Variants in L3MBTL3 observed in about 807,000 individuals in gnomAD.
The protein encoded by L3MBTL3 is L3MBTL histone methyl-lysine binding protein 3, also known as lethal(3)malignant brain tumor-like protein 3.
A neutral mutation model predicts 102.3 loss-of-function variants in L3MBTL3; 27 were observed. The observed-to-expected ratio is 0.26, with a 90% CI of 0.19 to 0.36. The LOEUF is 0.36. L3MBTL3 is among the 10% of genes least tolerant of loss of function. The pLI, the probability that L3MBTL3 is intolerant of heterozygous loss-of-function variation, is 1.00. For synonymous variants in L3MBTL3, 340 were observed against 320.9 expected (o/e 1.06, Z -0.64); for missense variants, 798 against 955.3 (o/e 0.84, Z 2.17).
chr6:130,105,387 T>C (rs866928195), intron 19 of L3MBTL3, among the ~76,000 whole-genome samples: 1 of 152,278 alleles, frequency 6.6e-6, no homozygotes, highest in African/African-American at 2.4e-5. Flanking sequence ...GTTTACCCTT[T>C]GGATGGAGTA....
chr6:130,049,286 G>T lies in L3MBTL3; in HGVS notation c.107G>T (p.Arg36Leu). ...GTLPGSDLKF[R>L]VNEFGALEVI... ...TTTCTGCTGTGTTGTTGCTAGTTTC[G>T]GGTAAATGAGTTTGGAGCCCTGGAA... Residue 36 changes from arginine (R) to leucine (L), a missense_variant, in exon 4 of 23, where the codon CGG becomes CTG. Around this residue, in one of 4 missense-constraint regions of L3MBTL3, gnomAD observed 434 missense variants for 506.6 expected, o/e 0.86. Transcript: ENST00000361794. 6.2e-7 allele frequency: 1 copy of T among 1,606,316 alleles called. No homozygotes were observed. The highest frequency in any genetic ancestry group is 1.1e-5 in the South Asian group (1 of 90,122).
intron 22 of L3MBTL3, 100 bp from the exon 23 acceptor site, chr6:130,139,510 C>A: frequency 9.3e-7 from 1 of 1,069,582 alleles, no homozygotes; most frequent in Non-Finnish European, 1.4e-6. Context: ...GCTTTTTTAG[C>A]ATTGCTATGT....
chr6:130,047,303 G>T (rs1415029551), intron 3 of L3MBTL3, among the ~76,000 whole-genome samples: 5 of 152,136 alleles, frequency 3.3e-5, no homozygotes, highest in African/African-American at 1.2e-4. Context: ...TAGACTGTAG[G>T]TCAGTTACTG....
At chr6:130,136,024 A>G (rs1787617159) in intron 22 of L3MBTL3, among the ~76,000 whole-genome samples, 1 of 152,214 alleles carries the variant, frequency 6.6e-6, no homozygotes, top group Admixed American at 6.5e-5. Flanking sequence ...TACACATGCC[A>G]CATCTCATCT....
chr6:130,020,497 C>G (rs999188477), intron 1 of L3MBTL3: 2 of 152,128 alleles, frequency 1.3e-5, no homozygotes, highest in Non-Finnish European at 1.5e-5. Flanking sequence ...AAAGCACAGC[C>G]CGCAGCGCGA....
intron 20 of L3MBTL3, among the ~76,000 whole-genome samples, chr6:130,124,782 C>T (rs1432347442): frequency 1.3e-5 from 2 of 152,030 alleles, no homozygotes; most frequent in Admixed American, 1.3e-4. Context: ...ACCAGCCTGA[C>T]CAACATGGAG....
chr6:130,069,749 G>A (rs965845087), intron 12 of L3MBTL3, among the ~76,000 whole-genome samples: 8 of 152,108 alleles, frequency 5.3e-5, no homozygotes, highest in South Asian at 2.1e-4. Flanking sequence ...TGCCTTGAAC[G>A]GTCTTCCTAA....
At chr6:130,091,886 G>A (rs1004655839) in intron 16 of L3MBTL3, among the ~76,000 whole-genome samples, 1 of 151,726 alleles carries the variant, frequency 6.6e-6, no homozygotes, top group African/African-American at 2.4e-5. Context: ...CATAAAGTGG[G>A]GGTGATTAAC....
In L3MBTL3 at chr6:130,075,696, G is replaced by A. The variant is rs76661166; in HGVS notation, c.1245-2862G>A. Among the ~76,000 whole-genome samples, 869 of 152,244 alleles carry A rather than the reference G, an allele frequency of 5.7e-3. 10 individuals carry two copies. Among genetic ancestry groups the A allele is most frequent in the African/African-American group, 0.02 (839 of 41,546 alleles). On this transcript the variant is annotated intron_variant, in intron 13 of 22. Transcript: ENST00000361794. ...GGTTCCCTGCACCATGAGCATTTTT[G>A]AGCTTGGTTTTTAGGCAGAAGGCAG...
At chr6:130,132,096 C>T (rs1414293912) in intron 20 of L3MBTL3, among the ~76,000 whole-genome samples, 1 of 152,050 alleles carries the variant, frequency 6.6e-6, no homozygotes, top group African/African-American at 2.4e-5. Flanking sequence ...TGTAATAGCA[C>T]CAAATTAAAA....
chr6:130,119,353 ATAT>A lies in L3MBTL3; in HGVS notation c.1887-1521_1887-1519del, dbSNP rs1207010545. 7.2e-5 allele frequency among the ~76,000 whole-genome samples: 11 copies of A among 152,326 alleles called. No homozygotes were observed. In the South Asian group the frequency reaches 2.1e-3, roughly 29 times the overall value. Reference sequence around the variant, plus strand: ...TTCTGGGATAGAATTTGTGCACTCAATATTATTTCCAATTTAATATAAAACAAA... The same window carrying A: ...TTCTGGGATAGAATTTGTGCACTCAATATTTCCAATTTAATATAAAACAAA... On this transcript the variant is annotated intron_variant, in intron 19 of 22. Transcript: ENST00000361794.
At chr6:130,066,540 T>G in intron 11 of L3MBTL3, 52 bp downstream of exon 11, 2 of 1,458,446 alleles carry the variant, frequency 1.4e-6, no homozygotes, top group Non-Finnish European at 1.9e-6. Flanking sequence ...CTCATTTTCT[T>G]ACATGCTACA....
At chr6:130,074,421 C>T (rs949136361) in intron 13 of L3MBTL3, among the ~76,000 whole-genome samples, 1 of 152,182 alleles carries the variant, frequency 6.6e-6, no homozygotes, top group African/African-American at 2.4e-5. Flanking sequence ...TCGATTCTAT[C>T]TCCTTGACAG....
At chr6:130,064,839 CAG>C (rs1782143754) in intron 10 of L3MBTL3, among the ~76,000 whole-genome samples, 1 of 152,158 alleles carries the variant, frequency 6.6e-6, no homozygotes, top group East Asian at 1.9e-4. Context: ...ATGGGGAGAA[CAG>C]AGAGAGCTTG....
chr6:130,139,031 G>A lies in L3MBTL3; in HGVS notation c.2200-579G>A, dbSNP rs1014114840. Among the ~76,000 whole-genome samples the A allele has an allele frequency of 3.9e-5, 6 of 152,090 alleles. No homozygotes were observed. In the South Asian group the frequency reaches 6.2e-4, roughly 16 times the overall value. On this transcript the variant is annotated intron_variant, in intron 22 of 22. Transcript: ENST00000361794. ...AGAACCACCTTAAAGTCAGTGACTC[G>A]TAACACCAGCCTCACATTCACTGTT... is the stretch of plus-strand genomic sequence containing the variant.
At chr6:130,029,217 A>G (rs1020990419) in intron 2 of L3MBTL3, among the ~76,000 whole-genome samples, 13 of 152,220 alleles carry the variant, frequency 8.5e-5, no homozygotes, top group Non-Finnish European at 1.8e-4. Flanking sequence ...TGGTCCTGGC[A>G]TCTTACTTGC....
chr6:130,092,456 T>C (rs750608446), intron 16 of L3MBTL3, among the ~76,000 whole-genome samples: 9 of 152,278 alleles, frequency 5.9e-5, no homozygotes, highest in Non-Finnish European at 1.3e-4. Context: ...GTTCCTGTTC[T>C]CATGTTGCTC....
intron 13 of L3MBTL3, among the ~76,000 whole-genome samples, chr6:130,075,991 A>G (rs1782927934): frequency 6.6e-6 from 1 of 152,178 alleles, no homozygotes; most frequent in Admixed American, 6.6e-5. Context: ...ATAGAATTGG[A>G]CATGAATTAG....
At chr6:130,091,761 A>G (rs1391584992) in intron 16 of L3MBTL3, among the ~76,000 whole-genome samples, 2 of 152,082 alleles carry the variant, frequency 1.3e-5, no homozygotes, top group Admixed American at 6.6e-5. Flanking sequence ...AGGCACAGAA[A>G]GACAAATATT....
Sources: allele counts gnomAD v4.1 joint callset (sites outside exome capture counted in the v4.1 genomes callset), GRCh38; gene constraint gnomAD v4.1.1; regional missense constraint gnomAD v4.1.1; transcripts MANE v1.5; gene names NCBI Gene and HGNC (gene_info 2026-07-23, HGNC 2026-07-21).